AP3B1: variants seen among roughly 807,000 people sequenced by gnomAD.
AP3B1 encodes the protein AP-3 complex subunit beta-1.
A neutral mutation model predicts 132.5 loss-of-function variants in AP3B1; 61 were observed. That is an observed-to-expected ratio of 0.46 (90% CI 0.37 to 0.57). AP3B1 has a LOEUF of 0.57. Ranked by LOEUF, AP3B1 falls within the 20% of genes least tolerant of loss-of-function variation. The pLI is 0.00. For missense variants in AP3B1, 1,120 were observed against 1,289.4 expected, an observed-to-expected ratio of 0.87 and a Z score of 2.01; for synonymous variants, 388 against 438.3, an observed-to-expected ratio of 0.89 and a Z score of 1.43.
intron 15 of AP3B1, among the ~76,000 whole-genome samples, chr5:78,140,014 AGGACACAG>A (rs941439934): frequency 2.0e-5 from 3 of 152,280 alleles, no homozygotes; most frequent in Middle Eastern, 3.4e-3. Flanking sequence ...AAAAATAGAT[AGGACACAG>A]AGCATAAAGC....
intron 17 of AP3B1, among the ~76,000 whole-genome samples, chr5:78,120,597 G>A (rs1207517321): frequency 6.6e-6 from 1 of 152,002 alleles, no homozygotes; most frequent in Admixed American, 6.5e-5. Flanking sequence ...AGACAAAGAA[G>A]GCCATTACAT....
chr5:78,143,689 C>T (rs1230687291), intron 14 of AP3B1, among the ~76,000 whole-genome samples: 2 of 151,970 alleles, frequency 1.3e-5, no homozygotes, highest in African/African-American at 4.8e-5. Flanking sequence ...AGATTTGAAG[C>T]ACCTGAAAAA....
chr5:78,153,059 G>A (rs1187066406), intron 14 of AP3B1, among the ~76,000 whole-genome samples: 1 of 152,088 alleles, frequency 6.6e-6, no homozygotes, highest in African/African-American at 2.4e-5. Flanking sequence ...TCCATTTGGT[G>A]CATAGCACAA....
At chr5:78,089,365 G>T in intron 22 of AP3B1, 28 bp downstream of exon 22, 1 of 1,491,496 alleles carries the variant, frequency 6.7e-7, no homozygotes, top group South Asian at 1.1e-5. Flanking sequence ...TAAGAAAACC[G>T]AGCTGGTGGA....
chr5:78,272,345 C>T (rs1748581457), intron 1 of AP3B1, among the ~76,000 whole-genome samples: 1 of 152,170 alleles, frequency 6.6e-6, no homozygotes, highest in African/African-American at 2.4e-5. Context: ...CTCAGGATCT[C>T]TTGAGGTCAT....
intron 11 of AP3B1, among the ~76,000 whole-genome samples, chr5:78,167,693 A>G (rs979111816): frequency 6.6e-6 from 1 of 152,112 alleles, no homozygotes; most frequent in Non-Finnish European, 1.5e-5. Flanking sequence ...GCTATAAAAA[A>G]GGAACAAAAT....
chr5:78,179,716 T>C (rs1301003467), intron 8 of AP3B1, among the ~76,000 whole-genome samples: 1 of 152,110 alleles, frequency 6.6e-6, no homozygotes, highest in Admixed American at 6.6e-5. Flanking sequence ...ACAAACTACA[T>C]AGCAATGATG....
intron 23 of AP3B1, among the ~76,000 whole-genome samples, chr5:78,035,670 A>T (rs562690030): frequency 1.3e-5 from 2 of 152,178 alleles, no homozygotes; most frequent in East Asian, 1.9e-4. Flanking sequence ...TGTTAAAAAT[A>T]AAAAAAGTAA....
intron 22 of AP3B1, chr5:78,042,084 C>G (rs1297494202): frequency 1.5e-5 from 3 of 198,484 alleles, no homozygotes; most frequent in Non-Finnish European, 3.3e-5. Context: ...AGATGGATTT[C>G]TGTGCCTCTT....
At chr5:78,020,902 T>C in intron 24 of AP3B1, 113 bp from the exon 25 acceptor site, 1 of 859,894 alleles carries the variant, frequency 1.2e-6, no homozygotes, top group South Asian at 1.6e-5. Context: ...TATAAGACCT[T>C]TTTGGTTTAA....
chr5:78,027,736 GT>G (rs375007618), intron 24 of AP3B1, among the ~76,000 whole-genome samples: 16 of 151,878 alleles, frequency 1.1e-4, no homozygotes, highest in African/African-American at 3.9e-4. Context: ...AAAGTTCCAG[GT>G]TTTTTTCTCT....
rs78324642 is a variant in AP3B1, at chr5:78,006,177, T to C, written c.3132-3122A>G. Among the ~76,000 whole-genome samples the C allele has an allele frequency of 9.3e-3, 1,416 of 152,330 alleles. 20 individuals carry two copies. The highest frequency in any genetic ancestry group is 0.032 in the African/African-American group (1,350 of 41,560). Reference sequence around the variant, plus strand: ...TAATCCTATGAGGCAGGTCACTTTATAGATGAGGCAAGCGAGGCCCAGAGA... The same window carrying C: ...TAATCCTATGAGGCAGGTCACTTTACAGATGAGGCAAGCGAGGCCCAGAGA... On this transcript the variant is annotated intron_variant, in intron 26 of 26. Coordinates refer to ENST00000255194, the MANE Select transcript of AP3B1 (RefSeq NM_003664.5).
At chr5:78,033,132 G>A (rs1481588961) in intron 24 of AP3B1, among the ~76,000 whole-genome samples, 2 of 152,008 alleles carry the variant, frequency 1.3e-5, no homozygotes, top group South Asian at 2.1e-4. Context: ...TTGTCATTGG[G>A]TTCACATTGT....
At chr5:78,029,370 C>T (rs1232506461) in intron 24 of AP3B1, among the ~76,000 whole-genome samples, 1 of 151,812 alleles carries the variant, frequency 6.6e-6, no homozygotes, top group African/African-American at 2.4e-5. Flanking sequence ...TTTAGCACAT[C>T]TATCTGATAA....
At chr5:78,213,065 G>A (rs1745813124) in intron 7 of AP3B1, among the ~76,000 whole-genome samples, 2 of 151,964 alleles carry the variant, frequency 1.3e-5, no homozygotes, top group South Asian at 4.2e-4. Context: ...ATTTTTAGTA[G>A]AGATGGGGTT....
intron 14 of AP3B1, among the ~76,000 whole-genome samples, chr5:78,145,607 C>T (rs1753356655): frequency 1.3e-5 from 2 of 152,198 alleles, no homozygotes; most frequent in Admixed American, 6.5e-5. Context: ...CAATTAACTT[C>T]ACCTCACTGG....
chr5:78,003,494 T>G (rs1258375061), intron 26 of AP3B1: 5 of 784,670 alleles, frequency 6.4e-6, no homozygotes, highest in Non-Finnish European at 6.2e-6. Flanking sequence ...ACTCCTCATA[T>G]CTGAAAATGA....
chr5:78,236,126 TG>T (rs1403000888), intron 3 of AP3B1, among the ~76,000 whole-genome samples: 1 of 152,206 alleles, frequency 6.6e-6, no homozygotes, highest in African/African-American at 2.4e-5. Flanking sequence ...TTGACATTTT[TG>T]TAACAGAACA....
intron 2 of AP3B1, among the ~76,000 whole-genome samples, chr5:78,262,021 G>A (rs186279838): frequency 8.6e-5 from 13 of 151,926 alleles, no homozygotes; most frequent in Non-Finnish European, 1.9e-4. Context: ...CGCCCACCTC[G>A]ACCTCCCAAA....
Sources: allele counts gnomAD v4.1 joint callset (sites outside exome capture counted in the v4.1 genomes callset), GRCh38; gene constraint gnomAD v4.1.1; transcripts MANE v1.5; gene names NCBI Gene and HGNC (gene_info 2026-07-23, HGNC 2026-07-21).